IFIH1: variants seen among roughly 807,000 people sequenced by gnomAD.
IFIH1 encodes the protein interferon-induced helicase C domain-containing protein 1.
Under a neutral mutation model 107.4 loss-of-function variants are expected in IFIH1, and 125 were observed. That is an observed-to-expected ratio of 1.16 (90% CI 1.01 to 1.35). IFIH1 has a LOEUF of 1.35. Ranked by LOEUF, IFIH1 falls within the 40% of genes most tolerant of loss-of-function variation. IFIH1 has a pLI of 0.00. For missense variants in IFIH1, 1,333 were observed against 1,213.7 expected (o/e 1.10, Z -1.46); for synonymous variants, 458 against 413.2 (o/e 1.11, Z -1.31).
intron 2 of IFIH1, 77 bp downstream of exon 2, chr2:162,310,688 T>C (rs1204703221): frequency 1.6e-6 from 2 of 1,217,636 alleles, no homozygotes; most frequent in Non-Finnish European, 2.4e-6. Context: ...GTGTTTAGCA[T>C]TGTGTCTTTC....
intron 11 of IFIH1, among the ~76,000 whole-genome samples, chr2:162,274,782 G>C (rs1691118871): frequency 6.6e-6 from 1 of 152,174 alleles, no homozygotes; most frequent in Non-Finnish European, 1.5e-5. Flanking sequence ...CATCAAAGCT[G>C]TTGGTCCAGT....
intron 11 of IFIH1, among the ~76,000 whole-genome samples, chr2:162,274,309 C>A (rs1279872489): frequency 6.6e-6 from 1 of 152,158 alleles, no homozygotes; most frequent in Non-Finnish European, 1.5e-5. Flanking sequence ...TCCCCCACTA[C>A]ATTAACTTCA....
intron 7 of IFIH1, 70 bp from the exon 8 acceptor site, chr2:162,280,182 T>C: frequency 1.2e-6 from 1 of 820,590 alleles, no homozygotes; most frequent in East Asian, 2.5e-5. Context: ...CGTAGAACTC[T>C]TTTTCATGTA....
In IFIH1 at chr2:162,267,460, C is replaced by G. The variant is rs369102839; in HGVS notation, c.2898+19G>C. The G allele has an allele frequency of 1.2e-6, 2 of 1,611,762 alleles. No homozygotes were observed. Among genetic ancestry groups the G allele is most frequent in the Admixed American group, 1.7e-5 (1 of 60,010 alleles). On this transcript the variant is annotated intron_variant, in intron 15 of 15. Coordinates refer to ENST00000649979, the MANE Select transcript of IFIH1 (RefSeq NM_022168.4). ...TCCTGTTGGCTAAAGTAAAATCTGGCCCACAGCAATTTACTCACCTGGCCA... is the reference window on the plus strand; with the variant it reads ...TCCTGTTGGCTAAAGTAAAATCTGGGCCACAGCAATTTACTCACCTGGCCA...
intron 4 of IFIH1, 34 bp downstream of exon 4, chr2:162,293,530 A>T (rs751057039): frequency 1.4e-6 from 2 of 1,392,424 alleles, no homozygotes; most frequent in Non-Finnish European, 2.0e-6. Context: ...CTTATTTCAC[A>T]CTTTTTAAGG....
chr2:162,288,535 A>C lies in IFIH1; in HGVS notation c.875-180T>G, dbSNP rs6746073. Among the ~76,000 whole-genome samples the C allele has an allele frequency of 0.15, 22,241 of 151,914 alleles. 3,900 individuals are homozygous for C. The highest frequency in any genetic ancestry group is 0.4 in the African/African-American group (16,426 of 41,412). Reference sequence around the variant, plus strand: ...GCTCTCTGCATCTGCAGAATACAACACAGGCTCCCTCTCACAGAAGGAGTC... The same window carrying C: ...GCTCTCTGCATCTGCAGAATACAACCCAGGCTCCCTCTCACAGAAGGAGTC... On this transcript the variant is annotated intron_variant, in intron 4 of 15. Coordinates refer to ENST00000649979, the MANE Select transcript of IFIH1 (RefSeq NM_022168.4).
At chr2:162,310,471 A>G (rs1293380134) in intron 2 of IFIH1, 1 of 481,298 alleles carries the variant, frequency 2.1e-6, no homozygotes, top group Non-Finnish European at 3.7e-6. Context: ...GTATTTGTGT[A>G]TATTTAATGT....
chr2:162,283,420 T>C (rs1034956694), intron 5 of IFIH1, among the ~76,000 whole-genome samples: 62 of 152,022 alleles, frequency 4.1e-4, no homozygotes, highest in African/African-American at 1.3e-3. Flanking sequence ...ACCTCAATGC[T>C]ACACATTACT....
chr2:162,308,944 G>A (rs778649268), intron 2 of IFIH1, among the ~76,000 whole-genome samples: 7 of 152,172 alleles, frequency 4.6e-5, no homozygotes, highest in African/African-American at 7.2e-5. Flanking sequence ...TGAGACTAGA[G>A]GTGTGATTCA....
chr2:162,278,713 A>T lies in IFIH1; in HGVS notation c.1642-385T>A, dbSNP rs13395877. ...ATTCCTCCTTTGTAAAACTGGTTTC[A>T]GTATTATTTCGACCAAAATAAAAAG... On this transcript the variant is annotated intron_variant, in intron 8 of 15. Transcript: ENST00000649979. 2.6e-3 allele frequency among the ~76,000 whole-genome samples: 399 copies of T among 152,288 alleles called. 3 individuals are homozygous for T. Among genetic ancestry groups the T allele is most frequent in the African/African-American group, 9.3e-3 (388 of 41,586 alleles).
chr2:162,314,463 T>TCTTTCTTC (rs1683448472), intron 1 of IFIH1, among the ~76,000 whole-genome samples: 1 of 134,306 alleles, frequency 7.4e-6, no homozygotes, highest in Non-Finnish European at 1.5e-5. Context: ...TTTCTTTCTT[T>TCTTTCTTC]CTTTCTTTCT....
chr2:162,287,454 T>A (rs1682913973), intron 5 of IFIH1, among the ~76,000 whole-genome samples: 2 of 151,836 alleles, frequency 1.3e-5, no homozygotes, highest in African/African-American at 4.8e-5. Context: ...AGATTTTGTT[T>A]TACGGTGAAG....
chr2:162,288,745 G>A (rs1243513746), intron 4 of IFIH1, among the ~76,000 whole-genome samples: 1 of 151,870 alleles, frequency 6.6e-6, no homozygotes, highest in Non-Finnish European at 1.5e-5. Flanking sequence ...ACTATGCCCT[G>A]CTTGTTTCAC....
At chr2:162,293,773 G>T in intron 3 of IFIH1, 105 bp from the exon 4 acceptor site, 1 of 626,514 alleles carries the variant, frequency 1.6e-6, no homozygotes, top group Non-Finnish European at 2.7e-6. Context: ...CAATTCAAGT[G>T]GGGAAGGCAC....
chr2:162,304,333 A>T (rs189003080), intron 3 of IFIH1, among the ~76,000 whole-genome samples: 44 of 152,184 alleles, frequency 2.9e-4, no homozygotes, highest in African/African-American at 1.0e-3. Context: ...ATGGTGGCGC[A>T]CGCCCGTGAT....
rs747683934 is a variant in IFIH1, at chr2:162,280,085, T to C, written c.1552A>G (p.Ile518Val). Residue 518 changes from isoleucine to valine, a missense_variant, in exon 8 of 16, where the codon ATT becomes GTT. Coordinates refer to ENST00000649979, the MANE Select transcript of IFIH1 (RefSeq NM_022168.4). ...TCAAGGTTTTCTTTAACAGTTTTAA[T>C]AGTAAATGCATCAAGATTGGCACAT... is the stretch of plus-strand genomic sequence containing the variant. The part of the protein sequence containing the change: ...KLCANLDAFT[I>V]KTVKENLDQL... 2.1e-5 allele frequency: 33 copies of C among 1,595,950 alleles called. No individual in the cohort carries two copies. In the Admixed American group the frequency reaches 2.2e-4, roughly 11 times the overall value.
At chr2:162,311,222 G>A (rs1038838005) in intron 1 of IFIH1, among the ~76,000 whole-genome samples, 10 of 152,068 alleles carry the variant, frequency 6.6e-5, no homozygotes, top group African/African-American at 2.2e-4. Flanking sequence ...CTGACACCTA[G>A]AAAATAAATT....
intron 13 of IFIH1, among the ~76,000 whole-genome samples, chr2:162,270,797 A>G (rs1271085242): frequency 6.6e-6 from 1 of 152,166 alleles, no homozygotes; most frequent in Admixed American, 6.6e-5. Flanking sequence ...TGGTGACAAA[A>G]GTTTGATTTG....
chr2:162,294,353 T>A (rs765537029), intron 3 of IFIH1, among the ~76,000 whole-genome samples: 30 of 152,006 alleles, frequency 2.0e-4, no homozygotes, highest in Non-Finnish European at 3.4e-4. Flanking sequence ...TTTTCAGAAC[T>A]CAGGATCAAT....
Sources: allele counts gnomAD v4.1 joint callset (sites outside exome capture counted in the v4.1 genomes callset), GRCh38; gene constraint gnomAD v4.1.1; transcripts MANE v1.5; gene names NCBI Gene and HGNC (gene_info 2026-07-23, HGNC 2026-07-21).